Variants in CACNA1C observed in about 807,000 individuals in gnomAD.
CACNA1C encodes voltage-dependent L-type calcium channel subunit alpha-1C.
In CACNA1C, 30 loss-of-function variants were observed where a neutral mutation model predicts 229.0. That is an observed-to-expected ratio of 0.13 (90% confidence interval 0.10 to 0.18). The LOEUF (loss-of-function observed/expected upper bound fraction) is 0.18, where lower values mean the gene tolerates loss of function less well. Ranked by LOEUF, CACNA1C falls within the 10% of genes least tolerant of loss-of-function variation. The pLI, the probability that CACNA1C is intolerant of heterozygous loss-of-function variation, is 1.00. For missense variants in CACNA1C, 1,658 were observed against 2,845.0 expected (o/e 0.58, Z 9.49); for synonymous variants, 1,114 against 1,132.5 (o/e 0.98, Z 0.33).
chr12:2,097,367 C>A (rs956813595), intron 1 of CACNA1C, among the ~76,000 whole-genome samples: 2 of 151,978 alleles, frequency 1.3e-5, no homozygotes, highest in African/African-American at 4.8e-5. Context: ...AGGATAGTCT[C>A]GATCTCCTGA....
intron 3 of CACNA1C, among the ~76,000 whole-genome samples, chr12:2,294,270 G>A (rs889778478): frequency 5.9e-5 from 9 of 152,196 alleles, no homozygotes; most frequent in African/African-American, 2.2e-4. Context: ...TCAGCGAGAA[G>A]ACATGGCAGC....
chr12:2,462,520 C>T (rs1442766043), intron 5 of CACNA1C, among the ~76,000 whole-genome samples: 3 of 152,224 alleles, frequency 2.0e-5, no homozygotes, highest in Non-Finnish European at 4.4e-5. Context: ...ATGTAACCTA[C>T]GTGAGGCTAA....
intron 10 of CACNA1C, 40 bp from the exon 11 acceptor site, chr12:2,556,911 T>G (rs2044634271): frequency 6.3e-7 from 1 of 1,583,992 alleles, no homozygotes; most frequent in Non-Finnish European, 8.7e-7. Context: ...AATGCACGTG[T>G]GTGTCCATCC....
Position 2,450,553 on chromosome 12 carries a change from C to CAAAAAAAAAAA in CACNA1C, c.617+1453_617+1463dup, listed in dbSNP as rs796416420. 4.1e-4 allele frequency among the ~76,000 whole-genome samples: 16 copies of CAAAAAAAAAAA among 39,016 alleles called. 2 individuals are homozygous for CAAAAAAAAAAA. The highest frequency in any genetic ancestry group is 1.3e-3 in the African/African-American group (16 of 11,952). The allele number at this position is 39,016 out of a possible 152,430, so 25.6% of individuals were successfully genotyped here. ...TGGGCAACAGAGCGAGACTCCATCT[C>CAAAAAAAAAAA]AAAAAAAAAAAAAAAAAAAAAAAAA... is the stretch of plus-strand genomic sequence containing the variant. On this transcript the variant is annotated intron_variant, in intron 4 of 46. Transcript: ENST00000399655.
At position 2,605,640 on chromosome 12, in the gene CACNA1C, C is replaced by T; in HGVS notation, c.3049-39C>T. 1.3e-6 allele frequency: 2 copies of T among 1,485,362 alleles called. No individual in the cohort carries two copies. The allele number at this position is 1,485,362 out of a possible 1,614,324, so 92.0% of individuals were successfully genotyped here. A position where few individuals can be genotyped will look rare whatever the true frequency, so the allele number is the denominator to read the frequency against. ...CTCCTGGAAAGGCTCCTGGCATCTC[C>T]TGAAGCCACGTCCCTCTCCCCGTCC... On this transcript the variant is annotated intron_variant, in intron 23 of 46. Coordinates refer to ENST00000399655, the MANE Select transcript of CACNA1C (RefSeq NM_000719.7). The surrounding 1 kb of genome is among the most constrained non-coding windows in gnomAD (Gnocchi z 6.2).
chr12:2,652,195 A>G (rs944918372), intron 32 of CACNA1C, among the ~76,000 whole-genome samples: 1 of 152,146 alleles, frequency 6.6e-6, no homozygotes, highest in African/African-American at 2.4e-5. Flanking sequence ...TCCTCCCCGT[A>G]GGCGTTTCAG....
chr12:2,204,423 C>A (rs1335509817), intron 3 of CACNA1C, among the ~76,000 whole-genome samples: 2 of 151,770 alleles, frequency 1.3e-5, no homozygotes, highest in Admixed American at 6.6e-5. Context: ...TACCATTTGA[C>A]CCAGCCATCC....
chr12:2,674,468 T>G (rs1456581336), intron 38 of CACNA1C, 73 bp from the exon 39 acceptor site: 1 of 1,506,818 alleles, frequency 6.6e-7, no homozygotes, highest in African/African-American at 1.4e-5. Flanking sequence ...CATCTGTGGC[T>G]TCCTACCTTA....
intron 1 of CACNA1C, among the ~76,000 whole-genome samples, chr12:2,085,591 C>A (rs568552276): frequency 1.3e-5 from 2 of 152,120 alleles, no homozygotes; most frequent in Non-Finnish European, 2.9e-5. Flanking sequence ...CTTAGCTGTT[C>A]TAAGAGATTC....
intron 3 of CACNA1C, among the ~76,000 whole-genome samples, chr12:2,236,239 C>T (rs2067303176): frequency 6.6e-6 from 1 of 152,162 alleles, no homozygotes; most frequent in African/African-American, 2.4e-5. Flanking sequence ...CCTGATTCAG[C>T]AGGTTCGGGT....
At chr12:2,198,955 A>G (rs1458243243) in intron 3 of CACNA1C, among the ~76,000 whole-genome samples, 1 of 152,194 alleles carries the variant, frequency 6.6e-6, no homozygotes, top group Non-Finnish European at 1.5e-5. Context: ...CAAACTTTAT[A>G]AATTAAGTAT....
At chr12:2,049,083 C>A (rs1207317247), upstream of CACNA1C, 1 of 152,232 alleles carries the variant, frequency 6.6e-6, no homozygotes, top group African/African-American at 2.4e-5. Flanking sequence ...TGTAAATCAT[C>A]TTTTTCCACG....
intron 1 of CACNA1C, among the ~76,000 whole-genome samples, chr12:2,075,683 C>T (rs2062934512): frequency 6.6e-6 from 1 of 152,320 alleles, no homozygotes; most frequent in African/African-American, 2.4e-5. Flanking sequence ...GCCCTGACCT[C>T]CGGTAGGAAT....
intron 20 of CACNA1C, 86 bp downstream of exon 20, chr12:2,596,089 C>T (rs772619295): frequency 2.7e-5 from 36 of 1,330,182 alleles, no homozygotes; most frequent in Non-Finnish European, 3.7e-5. Context: ...ATTGTTCAAT[C>T]AGGAGCCCAA....
At chr12:2,641,908 G>A (rs2093746977) in intron 30 of CACNA1C, 2 of 644,116 alleles carry the variant, frequency 3.1e-6, no homozygotes, top group Admixed American at 2.2e-5. Context: ...CCTAGAAGTG[G>A]GATGAAGCAT....
At chr12:2,300,976 C>T (rs923938024) in intron 3 of CACNA1C, among the ~76,000 whole-genome samples, 24 of 152,164 alleles carry the variant, frequency 1.6e-4, no homozygotes, top group African/African-American at 5.3e-4. Context: ...GGTGAGGGTC[C>T]CTGTTGTCCT....
At chr12:2,081,884 C>T (rs1033616350) in intron 1 of CACNA1C, among the ~76,000 whole-genome samples, 5 of 152,114 alleles carry the variant, frequency 3.3e-5, no homozygotes, top group African/African-American at 1.2e-4. Context: ...AGACATTGAC[C>T]TTTGGGCACC....
chr12:2,641,609 A>G (rs1023245928), intron 30 of CACNA1C: 23 of 652,234 alleles, frequency 3.5e-5, no homozygotes, highest in African/African-American at 2.5e-4. Context: ...ACCTAATGCT[A>G]CCAAGATGCC....
chr12:2,620,632 C>A (rs143679275), intron 29 of CACNA1C, among the ~76,000 whole-genome samples: 1 of 152,298 alleles, frequency 6.6e-6, no homozygotes, highest in Non-Finnish European at 1.5e-5. Flanking sequence ...AATTTTGTTT[C>A]CAAATCTGAG....
Sources: allele counts gnomAD v4.1 joint callset (sites outside exome capture counted in the v4.1 genomes callset), GRCh38; gene constraint gnomAD v4.1.1; non-coding constraint Gnocchi (gnomAD v3.1); transcripts MANE v1.5; gene names NCBI Gene and HGNC (gene_info 2026-07-23, HGNC 2026-07-21).